TAMM41: variants seen among roughly 807,000 people sequenced by gnomAD.
TAMM41 encodes TAM41 mitochondrial translocator assembly and maintenance homolog.
Under a neutral mutation model 44.1 loss-of-function variants are expected in TAMM41, and 36 were observed. That is an observed-to-expected ratio of 0.82 (90% CI 0.63 to 1.08). The LOEUF is 1.08. Ranked by LOEUF, TAMM41 falls within the 50% of genes least tolerant of loss-of-function variation. The pLI, the probability that TAMM41 is intolerant of heterozygous loss-of-function variation, is 0.00. For missense variants in TAMM41, 417 were observed against 404.3 expected, an observed-to-expected ratio of 1.03 and a Z score of -0.27; for synonymous variants, 164 against 153.1, an observed-to-expected ratio of 1.07 and a Z score of -0.53.
At chr3:11,728,229 G>T in the TAMM41 span, among the ~76,000 whole-genome samples, 2 of 152,216 alleles carry the variant, frequency 1.3e-5, no homozygotes, top group Non-Finnish European at 2.9e-5. Context: ...AGCCCACTTG[G>T]TAATTCAACC....
chr3:11,750,180 G>A, the TAMM41 span, among the ~76,000 whole-genome samples: 1 of 152,150 alleles, frequency 6.6e-6, no homozygotes, highest in African/African-American at 2.4e-5. Context: ...ACAGGCGTGA[G>A]CCACTGTGCC....
chr3:11,725,393 T>TTC, the TAMM41 span, among the ~76,000 whole-genome samples: 1 of 108,984 alleles, frequency 9.2e-6, no homozygotes, highest in Non-Finnish European at 2.0e-5. Flanking sequence ...CCTCCTTCTT[T>TTC]TTCTTCTTCC....
the TAMM41 span, among the ~76,000 whole-genome samples, chr3:11,778,350 T>C: frequency 6.6e-6 from 1 of 152,136 alleles, no homozygotes; most frequent in South Asian, 2.1e-4. Flanking sequence ...TGCTTCAGCC[T>C]CTCAAGTAGC....
At chr3:11,822,817 G>C (rs1006916085) in intron 4 of TAMM41, among the ~76,000 whole-genome samples, 2 of 152,042 alleles carry the variant, frequency 1.3e-5, no homozygotes, top group East Asian at 3.8e-4. Flanking sequence ...TTCCACTTTT[G>C]GGCGATTCAT....
chr3:11,844,347 C>A, intron 1 of TAMM41, 136 bp from the exon 2 acceptor site: 1 of 727,486 alleles, frequency 1.4e-6, no homozygotes, highest in Non-Finnish European at 2.2e-6. Flanking sequence ...GAAATGTGAG[C>A]GAGTCTCTGG....
chr3:11,830,684 C>A (rs548643248), intron 3 of TAMM41: 1 of 151,974 alleles, frequency 6.6e-6, no homozygotes, highest in Non-Finnish European at 1.5e-5. Flanking sequence ...CATAGTGAGA[C>A]CCCATCTCTA....
intron 4 of TAMM41, among the ~76,000 whole-genome samples, chr3:11,820,037 C>T (rs2078450975): frequency 6.6e-6 from 1 of 151,984 alleles, no homozygotes; most frequent in East Asian, 1.9e-4. Context: ...ATAATTTCCC[C>T]CCATTTCCCT....
At chr3:11,756,221 A>G in the TAMM41 span, among the ~76,000 whole-genome samples, 1,894 of 152,342 alleles carry the variant, frequency 0.012, 38 homozygotes, top group African/African-American at 0.043. Flanking sequence ...TTCTAGAGTC[A>G]CTGAACAGCT....
chr3:11,745,257 G>A, the TAMM41 span, among the ~76,000 whole-genome samples: 1 of 152,216 alleles, frequency 6.6e-6, no homozygotes, highest in African/African-American at 2.4e-5. Context: ...CTTGAGCACA[G>A]GAGGCCTAGG....
At chr3:11,832,225 C>T (rs2079009311) in intron 3 of TAMM41, among the ~76,000 whole-genome samples, 1 of 150,922 alleles carries the variant, frequency 6.6e-6, no homozygotes, top group South Asian at 2.1e-4. Context: ...CTCTTCGTAT[C>T]TGTGGGTTCT....
chr3:11,727,974 AC>A, the TAMM41 span, among the ~76,000 whole-genome samples: 1 of 151,780 alleles, frequency 6.6e-6, no homozygotes. Context: ...TTTAGTAGAG[AC>A]AAGATTTCTC....
rs1020725706 is a variant in TAMM41, at chr3:11,816,526, C to T, written c.708+666G>A. On this transcript the variant is annotated intron_variant, in intron 5 of 7. Transcript: ENST00000455809. Reference sequence around the variant, plus strand: ...TCCCTATAATCCCAGTACTTTTGGACGCTGGGGCGGGCAGACTGCTTGAGC... The same window carrying T: ...TCCCTATAATCCCAGTACTTTTGGATGCTGGGGCGGGCAGACTGCTTGAGC... 9.9e-5 allele frequency among the ~76,000 whole-genome samples: 15 copies of T among 152,206 alleles called. No individual in the cohort carries two copies. In the South Asian group the frequency reaches 1.0e-3, roughly 11 times the overall value.
the TAMM41 span, among the ~76,000 whole-genome samples, chr3:11,776,047 T>A: frequency 3.4e-4 from 51 of 150,602 alleles, no homozygotes; most frequent in Non-Finnish European, 4.0e-4. Flanking sequence ...GGAGTCTCGC[T>A]CTGTTGCCCA....
chr3:11,782,579 C>A, the TAMM41 span, among the ~76,000 whole-genome samples: 1 of 151,406 alleles, frequency 6.6e-6, no homozygotes, highest in Non-Finnish European at 1.5e-5. Context: ...AAAGTGGGAT[C>A]GTATCTACGT....
chr3:11,732,251 C>T, the TAMM41 span, among the ~76,000 whole-genome samples: 2 of 152,188 alleles, frequency 1.3e-5, no homozygotes, highest in East Asian at 3.9e-4. Flanking sequence ...TCTCTTCTTT[C>T]CCTTTTTCCT....
chr3:11,781,938 A>G, the TAMM41 span, among the ~76,000 whole-genome samples: 1 of 152,156 alleles, frequency 6.6e-6, no homozygotes, highest in Non-Finnish European at 1.5e-5. Context: ...TCATGCATGT[A>G]TCATCTCTTC....
chr3:11,828,167 C>G (rs1033702632), intron 4 of TAMM41, among the ~76,000 whole-genome samples: 1 of 152,154 alleles, frequency 6.6e-6, no homozygotes, highest in African/African-American at 2.4e-5. Flanking sequence ...GGAAAATGTG[C>G]CTTTCAACAC....
chr3:11,781,770 AATAATAATAATC>A, the TAMM41 span, among the ~76,000 whole-genome samples: 6,386 of 52,746 alleles, frequency 0.12, 218 homozygotes, highest in African/African-American at 0.22. Context: ...TAATAATAAT[AATAATAATAATC>A]ATACAAATAA....
At chr3:11,736,638 C>A in the TAMM41 span, among the ~76,000 whole-genome samples, 1 of 152,160 alleles carries the variant, frequency 6.6e-6, no homozygotes, top group Non-Finnish European at 1.5e-5. Context: ...GGCCTCAGCG[C>A]ACCCTGCTTC....
Sources: allele counts gnomAD v4.1 joint callset (sites outside exome capture counted in the v4.1 genomes callset), GRCh38; gene constraint gnomAD v4.1.1; transcripts MANE v1.5; gene names NCBI Gene and HGNC (gene_info 2026-07-23, HGNC 2026-07-21).